The following NEK7 variants were observed in gnomAD, a reference collection of about 807,000 sequenced individuals.
NEK7 encodes serine/threonine-protein kinase Nek7.
NEK7 carries 18 observed loss-of-function variants against 44.6 expected under a neutral mutation model. That is an observed-to-expected ratio of 0.40 (90% CI 0.28 to 0.60). The LOEUF (loss-of-function observed/expected upper bound fraction) is 0.60. Ranked by LOEUF, NEK7 falls within the 20% of genes least tolerant of loss-of-function variation. The pLI, the probability that NEK7 is intolerant of heterozygous loss-of-function variation, is 0.38. For synonymous variants in NEK7, 130 were observed against 121.1 expected, an observed-to-expected ratio of 1.07 and a Z score of -0.48; for missense variants, 256 against 366.5, an observed-to-expected ratio of 0.70 and a Z score of 2.46.
At chr1:198,298,638 A>G (rs1654782914) in intron 9 of NEK7, among the ~76,000 whole-genome samples, 1 of 152,220 alleles carries the variant, frequency 6.6e-6, no homozygotes. Flanking sequence ...GGTGTGAACA[A>G]TAATGCAAAA....
At chr1:198,239,836 C>G (rs574666650) in intron 2 of NEK7, among the ~76,000 whole-genome samples, 1 of 152,248 alleles carries the variant, frequency 6.6e-6, no homozygotes, top group Non-Finnish European at 1.5e-5. Context: ...TTTGCAAACA[C>G]CATAGAGTGC....
intron 1 of NEK7, chr1:198,197,976 C>G (rs371815326): frequency 2.0e-6 from 3 of 1,466,412 alleles, no homozygotes; most frequent in East Asian, 2.4e-5. Flanking sequence ...GGTAGGGACC[C>G]GAGGATTGGC....
At position 198,253,188 on chromosome 1, in the gene NEK7, G is replaced by T; in HGVS notation, c.198+8G>T. ...GCTTTAAAAAAAGTGCAGGTAAGAT[G>T]ACTTTAATTATATAAATCAATGTAA... On this transcript the variant is annotated splice_region_variant and intron_variant, in intron 3 of 9. Transcript: ENST00000367385. 2 of 1,569,600 alleles carry T rather than the reference G, an allele frequency of 1.3e-6. No homozygotes were observed. The highest frequency in any genetic ancestry group is 2.3e-5 in the South Asian group (2 of 87,374).
chr1:198,289,767 A>T (rs1360668276), intron 7 of NEK7, among the ~76,000 whole-genome samples: 1 of 152,200 alleles, frequency 6.6e-6, no homozygotes, highest in African/African-American at 2.4e-5. Context: ...CTTCCATAAT[A>T]GCAACATGTT....
chr1:198,196,689 C>T (rs1190878973), intron 1 of NEK7, among the ~76,000 whole-genome samples: 1 of 152,132 alleles, frequency 6.6e-6, no homozygotes, highest in African/African-American at 2.4e-5. Flanking sequence ...ACATGGTGGG[C>T]TGGGAGAAAG....
intron 8 of NEK7, among the ~76,000 whole-genome samples, chr1:198,296,450 G>T (rs1412346199): frequency 6.6e-6 from 1 of 152,034 alleles, no homozygotes; most frequent in Non-Finnish European, 1.5e-5. Flanking sequence ...TTTTAAAGTT[G>T]TTCATCCTTT....
At chr1:198,212,493 G>A (rs1357326565) in intron 1 of NEK7, among the ~76,000 whole-genome samples, 1 of 152,208 alleles carries the variant, frequency 6.6e-6, no homozygotes, top group African/African-American at 2.4e-5. Context: ...TTGTGCAGTA[G>A]AGGCAGCTGC....
intron 9 of NEK7, among the ~76,000 whole-genome samples, chr1:198,298,812 G>A (rs1330399204): frequency 6.6e-6 from 1 of 152,196 alleles, no homozygotes; most frequent in Non-Finnish European, 1.5e-5. Context: ...AGCTGATTAG[G>A]AGATGCCGAG....
intron 1 of NEK7, among the ~76,000 whole-genome samples, chr1:198,174,906 AC>A (rs1326576899): frequency 6.6e-6 from 1 of 151,960 alleles, no homozygotes; most frequent in East Asian, 1.9e-4. Flanking sequence ...ACAGGTGTGA[AC>A]CACCTTACTG....
chr1:198,187,793 A>G (rs912700876), intron 1 of NEK7, among the ~76,000 whole-genome samples: 21 of 152,230 alleles, frequency 1.4e-4, no homozygotes, highest in Non-Finnish European at 2.8e-4. Context: ...CCGTGGGTAG[A>G]AAGACTTTGG....
rs559527578 is a variant in NEK7 at position 198,186,272 on chromosome 1, AT to A, written c.-29+28997del. On this transcript the variant is annotated intron_variant, in intron 1 of 9. Transcript: ENST00000367385. ...TGTTAAGGCATATCGGTTGTATGTGATGTATGGCAAACTATAATATTGAAAC... is the reference window on the plus strand; with the variant it reads ...TGTTAAGGCATATCGGTTGTATGTGAGTATGGCAAACTATAATATTGAAAC... Among the ~76,000 whole-genome samples the A allele has an allele frequency of 4.4e-3, 670 of 152,318 alleles. 7 individuals carry two copies. The highest frequency in any genetic ancestry group is 0.015 in the African/African-American group (640 of 41,582).
In NEK7 at chr1:198,293,036, T is replaced by A; in HGVS notation, c.681T>A (p.Tyr227Ter). ...SDIWSLGCLLYEMAALQSPFY... is the reference protein window; with the variant it reads ...SDIWSLGCLL Reference sequence around the variant, plus strand: ...TCTGGTCTCTTGGCTGTCTACTATATGAGGTAGGTAATGTTGATAAATTCC... The same window carrying A: ...TCTGGTCTCTTGGCTGTCTACTATAAGAGGTAGGTAATGTTGATAAATTCC... Residue 227 changes from tyrosine (Y) to a stop codon, truncating the protein, a stop_gained, in exon 8 of 10, where the codon TAT (tyrosine) becomes TAA (stop). Transcript: ENST00000367385. LOFTEE classifies it high-confidence loss of function. 2.0e-6 allele frequency: 3 copies of A among 1,489,780 alleles called. No homozygotes were observed. In the East Asian group the frequency reaches 6.8e-5, roughly 34 times the overall value. 92.3% of individuals were successfully genotyped at this position (1,489,780 alleles called of 1,614,324 possible). A position where few individuals can be genotyped will look rare whatever the true frequency, so the allele number is the denominator to read the frequency against.
intron 9 of NEK7, among the ~76,000 whole-genome samples, chr1:198,315,606 A>G (rs1378637380): frequency 6.6e-6 from 1 of 152,160 alleles, no homozygotes; most frequent in Non-Finnish European, 1.5e-5. Context: ...AAGACTATCC[A>G]AGAGTGTGGC....
At chr1:198,223,858 T>G (rs1666139076) in intron 1 of NEK7, among the ~76,000 whole-genome samples, 1 of 152,136 alleles carries the variant, frequency 6.6e-6, no homozygotes, top group South Asian at 2.1e-4. Flanking sequence ...TAGCCAACAT[T>G]TAGAAGATCT....
intron 1 of NEK7, among the ~76,000 whole-genome samples, chr1:198,185,348 C>T (rs893806678): frequency 1.3e-5 from 2 of 151,664 alleles, no homozygotes; most frequent in Non-Finnish European, 2.9e-5. Context: ...CAATGATTGG[C>T]GTCTTCTTTT....
At chr1:198,191,994 A>G (rs1424369071) in intron 1 of NEK7, among the ~76,000 whole-genome samples, 2 of 152,048 alleles carry the variant, frequency 1.3e-5, no homozygotes, top group East Asian at 1.9e-4. Context: ...TGCCCTTTCA[A>G]TAAGCTTGGA....
intron 8 of NEK7, among the ~76,000 whole-genome samples, chr1:198,295,874 T>G (rs868372696): frequency 2.0e-5 from 3 of 150,932 alleles, no homozygotes; most frequent in African/African-American, 4.9e-5. Context: ...TCAGAGTGTT[T>G]TATATGATTA....
intron 5 of NEK7, among the ~76,000 whole-genome samples, chr1:198,265,871 C>CAT (rs1653636666): frequency 6.6e-6 from 1 of 152,056 alleles, no homozygotes; most frequent in African/African-American, 2.4e-5. Context: ...TACATTAGTA[C>CAT]ATATGTCTTT....
chr1:198,302,438 C>A (rs1654916877), intron 9 of NEK7, among the ~76,000 whole-genome samples: 1 of 150,778 alleles, frequency 6.6e-6, no homozygotes, highest in Admixed American at 6.6e-5. Context: ...TTTAGCAGTG[C>A]AGCCTGATAA....
Sources: gnomAD v4.1 joint callset for allele counts (sites outside exome capture counted in the v4.1 genomes callset) on GRCh38, gnomAD v4.1.1 for gene constraint, MANE v1.5 for transcripts, NCBI Gene and HGNC (gene_info 2026-07-23, HGNC 2026-07-21) for gene names.